SAFB: variants seen among roughly 807,000 people sequenced by gnomAD.
SAFB encodes scaffold attachment factor B1.
SAFB carries 15 observed loss-of-function variants against 101.6 expected under a neutral mutation model. The ratio of observed to expected loss-of-function variants is 0.15; its 90% confidence interval spans 0.10 to 0.23. SAFB has a LOEUF of 0.23. Among genes scored for constraint, SAFB ranks in the 10% least tolerant of loss-of-function variants. SAFB has a pLI of 1.00. For synonymous variants in SAFB, 449 were observed against 407.5 expected (o/e 1.10, Z -1.23); for missense variants, 930 against 1,104.1 (o/e 0.84, Z 2.23).
intron 5 of SAFB, among the ~76,000 whole-genome samples, chr19:5,646,312 T>C (rs566213038): frequency 5.3e-5 from 8 of 152,308 alleles, no homozygotes; most frequent in African/African-American, 1.9e-4. Context: ...GCTCCAACCT[T>C]GAGGAGGGCA....
intron 2 of SAFB, among the ~76,000 whole-genome samples, chr19:5,628,588 A>G (rs1301414331): frequency 6.6e-6 from 1 of 152,176 alleles, no homozygotes; most frequent in South Asian, 2.1e-4. Flanking sequence ...GGGTTGCCCA[A>G]CCTGTAATTG....
rs759247593 is a variant in SAFB, at chr19:5,664,412, G to A, written c.2307G>A (p.Arg769=). 1.9e-6 allele frequency: 3 copies of A among 1,613,612 alleles called. No homozygotes were observed. The highest frequency in any genetic ancestry group is 1.1e-5 in the South Asian group (1 of 91,076). ...DHSVDRREGS[R]SMMGEREGQH... ...GCCTTTTCAGGAGAGAAGGTTCAAG[G>A]TCAATGATGGGAGAACGAGAAGGAC... Residue 769 remains arginine (R), a synonymous_variant, in exon 17 of 21, where the codon AGG becomes AGA. Transcript: ENST00000588852.
chr19:5,658,675 C>T (rs2054121563), intron 14 of SAFB, among the ~76,000 whole-genome samples: 3 of 151,358 alleles, frequency 2.0e-5, no homozygotes, highest in South Asian at 4.2e-4. Flanking sequence ...AACCCTGTCT[C>T]TACTAAAAAT....
chr19:5,631,819 A>G (rs1045235603), intron 2 of SAFB, among the ~76,000 whole-genome samples: 1 of 152,168 alleles, frequency 6.6e-6, no homozygotes, highest in Non-Finnish European at 1.5e-5. Context: ...ACCGACGCGG[A>G]AGGATGACTT....
chr19:5,642,066 G>C lies in SAFB; in HGVS notation c.546+120G>C, dbSNP rs766678219. Reference sequence around the variant, plus strand: ...CTGTAATGCCAGTTCAGTAGAATAAGGGTCAGTTGGTTCAGATGATTCTGA... The same window carrying C: ...CTGTAATGCCAGTTCAGTAGAATAACGGTCAGTTGGTTCAGATGATTCTGA... On this transcript the variant is annotated intron_variant, in intron 4 of 20. Transcript: ENST00000588852. 9.8e-6 allele frequency: 8 copies of C among 812,502 alleles called. No individual in the cohort carries two copies. The South Asian group carries it at 1.2e-4, about 12-fold the overall frequency. The allele number at this position is 812,502 out of a possible 1,614,324, so 50.3% of individuals were successfully genotyped here.
At chr19:5,665,259 T>A (rs1423902821) in intron 17 of SAFB, 2 of 152,174 alleles carry the variant, frequency 1.3e-5, no homozygotes, top group African/African-American at 4.8e-5. Flanking sequence ...GGAGGCAAAT[T>A]ATATGCAGCA....
chr19:5,654,138 A>C lies in SAFB; in HGVS notation c.1604A>C (p.Lys535Thr). 1 of 1,614,200 alleles carries C rather than the reference A, an allele frequency of 6.2e-7. No individual in the cohort carries two copies. Among genetic ancestry groups the C allele is most frequent in the Non-Finnish European group, 8.5e-7 (1 of 1,180,026 alleles). Residue 535 changes from lysine (K) to threonine (T), a missense_variant, in exon 12 of 21, where the codon AAG becomes ACG. Physicochemically the swap from Lys to Thr is moderately conservative, Grantham distance 78 (BLOSUM62 -1). Coordinates refer to ENST00000588852, the MANE Select transcript of SAFB (RefSeq NM_001201338.2). Reference sequence around the variant, plus strand: ...AAGGGTGACGACGGAAGTGGAGAAAAGAGTAAGGACCAAGATGATCAGAAA... The same window carrying C: ...AAGGGTGACGACGGAAGTGGAGAAACGAGTAAGGACCAAGATGATCAGAAA... ...AKKGDDGSGE[K>T]SKDQDDQKPG...
intron 14 of SAFB, among the ~76,000 whole-genome samples, chr19:5,658,158 C>T (rs572457859): frequency 2.6e-4 from 39 of 151,500 alleles, no homozygotes; most frequent in Admixed American, 6.6e-4. Flanking sequence ...CCACCACACC[C>T]GGCTCATTTT....
intron 15 of SAFB, 28 bp downstream of exon 15, chr19:5,661,836 C>A: frequency 1.4e-6 from 2 of 1,465,404 alleles, no homozygotes; most frequent in Non-Finnish European, 9.2e-7. Flanking sequence ...GCCCTTAGCA[C>A]GTGGCGTTCA....
intron 4 of SAFB, among the ~76,000 whole-genome samples, chr19:5,643,361 A>G (rs1275732829): frequency 6.6e-6 from 1 of 152,132 alleles, no homozygotes; most frequent in East Asian, 1.9e-4. Context: ...CCGCTTCTGC[A>G]TTTCTTCAGA....
chr19:5,625,320 C>T (rs956471875), intron 1 of SAFB, among the ~76,000 whole-genome samples: 1 of 152,188 alleles, frequency 6.6e-6, no homozygotes, highest in Non-Finnish European at 1.5e-5. Flanking sequence ...AATTGCCTGT[C>T]CCCGGGAAAA....
intron 5 of SAFB, 149 bp downstream of exon 5, chr19:5,645,548 T>G: frequency 3.7e-6 from 2 of 537,930 alleles, no homozygotes; most frequent in South Asian, 2.5e-5. Context: ...GTTTGCTTTC[T>G]GCTTTCCTCC....
chr19:5,644,324 C>A, intron 4 of SAFB, among the ~76,000 whole-genome samples: 1 of 152,174 alleles, frequency 6.6e-6, no homozygotes, highest in Middle Eastern at 3.2e-3. Flanking sequence ...TGTACCACCA[C>A]GAATACAGTT....
chr19:5,647,834 A>T (rs2053856790), intron 5 of SAFB, among the ~76,000 whole-genome samples, 182 bp from the exon 6 acceptor site: 1 of 152,214 alleles, frequency 6.6e-6, no homozygotes, highest in Admixed American at 6.5e-5. Flanking sequence ...GGGTGGGCTG[A>T]GTGAAGTGGA....
intron 4 of SAFB, among the ~76,000 whole-genome samples, chr19:5,642,343 C>T (rs2053734399): frequency 6.6e-6 from 1 of 152,030 alleles, no homozygotes. Flanking sequence ...TCCGGTAACT[C>T]AGAAAGCTGA....
intron 2 of SAFB, among the ~76,000 whole-genome samples, chr19:5,632,046 C>G (rs1010249570): frequency 6.6e-6 from 1 of 152,000 alleles, no homozygotes; most frequent in Admixed American, 6.5e-5. Context: ...AAGACTCTGT[C>G]TCGAAAAAAT....
chr19:5,638,776 C>T (rs2145421820), intron 2 of SAFB, among the ~76,000 whole-genome samples: 1 of 139,980 alleles, frequency 7.1e-6, no homozygotes, highest in Middle Eastern at 4.3e-3. Context: ...GGCTGGAGTG[C>T]AGTAGTGTGT....
chr19:5,650,929 A>C (rs773335729), intron 8 of SAFB, 49 bp from the exon 9 acceptor site: 2 of 1,176,456 alleles, frequency 1.7e-6, no homozygotes, highest in Non-Finnish European at 2.5e-6. Context: ...TCTAAGACTC[A>C]AGATCTTGTG....
intron 2 of SAFB, among the ~76,000 whole-genome samples, chr19:5,633,546 G>A (rs964801337): frequency 1.3e-5 from 2 of 152,104 alleles, no homozygotes; most frequent in Non-Finnish European, 2.9e-5. Flanking sequence ...TTGGGAGGCC[G>A]AGGCAGGCGG....
Sources: gnomAD v4.1 joint callset for allele counts (sites outside exome capture counted in the v4.1 genomes callset) on GRCh38, gnomAD v4.1.1 for gene constraint, MANE v1.5 for transcripts, NCBI Gene and HGNC (gene_info 2026-07-23, HGNC 2026-07-21) for gene names.